Variants in AGMAT observed in about 807,000 individuals in gnomAD.
AGMAT encodes the protein guanidino acid hydrolase, mitochondrial.
AGMAT carries 37 observed loss-of-function variants against 29.3 expected under a neutral mutation model. The ratio of observed to expected loss-of-function variants is 1.26; its 90% CI spans 0.97 to 1.66. The LOEUF (loss-of-function observed/expected upper bound fraction) is 1.66. Ranked by LOEUF, AGMAT falls within the 40% of genes most tolerant of loss-of-function variation. AGMAT has a pLI of 0.00. For synonymous variants in AGMAT, 199 were observed against 200.8 expected, an observed-to-expected ratio of 0.99 and a Z score of 0.08; for missense variants, 498 against 497.8, an observed-to-expected ratio of 1.00 and a Z score of 0.00.
At chr1:15,576,261 C>G (rs2103436549) in intron 5 of AGMAT, among the ~76,000 whole-genome samples, 1 of 151,868 alleles carries the variant, frequency 6.6e-6, no homozygotes. Context: ...CGCCACCATG[C>G]CCGGCTAATT....
rs1353455400 is a variant in AGMAT at position 15,572,143 on chromosome 1, T to C, written c.*1508A>G. Among the ~76,000 whole-genome samples the C allele has an allele frequency of 1.2e-5, 1 of 86,800 alleles. No homozygotes were observed. Among genetic ancestry groups the C allele is most frequent in the Non-Finnish European group, 2.1e-5 (1 of 48,622 alleles). The allele number at this position is 86,800 out of a possible 152,430, so 56.9% of individuals were successfully genotyped here. ...CTGGGGGACAGAGCGAGACTCCATC[T>C]CAGAAAAAAAAAAAAAAAAAAAAGC... On this transcript the variant is annotated 3_prime_UTR_variant, in exon 7 of 7. Coordinates refer to ENST00000375826, the MANE Select transcript of AGMAT (RefSeq NM_024758.5).
chr1:15,573,603 G>T lies in AGMAT; in HGVS notation c.*48C>A. 6.4e-7 allele frequency: 1 copy of T among 1,559,216 alleles called. No homozygotes were observed. Among genetic ancestry groups the T allele is most frequent in the South Asian group, 1.1e-5 (1 of 89,876 alleles). ...GACTGCTTACTCATAAGTTCTTCTTGAGAACTTGTCAGCGACGCAATCTGT... is the reference window on the plus strand; with the variant it reads ...GACTGCTTACTCATAAGTTCTTCTTTAGAACTTGTCAGCGACGCAATCTGT... On this transcript the variant is annotated 3_prime_UTR_variant, in exon 7 of 7. Coordinates refer to ENST00000375826, the MANE Select transcript of AGMAT (RefSeq NM_024758.5).
rs748405733 is a variant in AGMAT, at chr1:15,573,639, A to C, written c.*12T>G. ...AGCGACGCAATCTGTTTTGTCTTGA[A>C]GAGCACAAGACTCAGACGGTTGTCA... On this transcript the variant is annotated 3_prime_UTR_variant, in exon 7 of 7. Transcript: ENST00000375826. 7 of 1,613,200 alleles carry C rather than the reference A, an allele frequency of 4.3e-6. No individual in the cohort carries two copies. The East Asian group carries it at 6.7e-5, about 15-fold the overall frequency.
intron 1 of AGMAT, 120 bp downstream of exon 1, chr1:15,584,576 G>A (rs1409441353): frequency 1.8e-6 from 2 of 1,104,710 alleles, no homozygotes; most frequent in Admixed American, 4.3e-5. Flanking sequence ...TTTTGGAGCC[G>A]GCCACCAGCT....
At chr1:15,583,042 T>C in intron 2 of AGMAT, 151 bp downstream of exon 2, 1 of 710,938 alleles carries the variant, frequency 1.4e-6, no homozygotes, top group Non-Finnish European at 2.3e-6. Flanking sequence ...CCCCAGGGAT[T>C]AAAATAAATG....
In AGMAT at chr1:15,574,777, G is replaced by A. The variant is rs2103435760; in HGVS notation, c.965C>T (p.Ser322Leu). ...NVMGCDLVEVSPPYDLSGNTA... is the reference protein window; with the variant it reads ...NVMGCDLVEVLPPYDLSGNTA... ...CTCACCAGAAAGATCATACGGTGGT[G>A]AAACTTCGACAAGATCACAGCCCAT... Residue 322 changes from serine to leucine, a missense_variant, in exon 6 of 7, where the codon TCA becomes TTA. Coordinates refer to ENST00000375826, the MANE Select transcript of AGMAT (RefSeq NM_024758.5). The A allele has an allele frequency of 6.2e-7, 1 of 1,613,858 alleles. No individual in the cohort carries two copies. Among genetic ancestry groups the A allele is most frequent in the Non-Finnish European group, 8.5e-7 (1 of 1,179,844 alleles).
chr1:15,578,383 C>T (rs1639068033), intron 4 of AGMAT, among the ~76,000 whole-genome samples: 1 of 152,034 alleles, frequency 6.6e-6, no homozygotes, highest in African/African-American at 2.4e-5. Flanking sequence ...CAACCTCCAC[C>T]TCCCACGTTC....
At chr1:15,584,571 G>T in intron 1 of AGMAT, 125 bp downstream of exon 1, 13 of 1,065,524 alleles carry the variant, frequency 1.2e-5, no homozygotes, top group Non-Finnish European at 1.6e-5. Context: ...GGGCATTTTG[G>T]AGCCGGCCAC....
At position 15,584,944 on chromosome 1, in the gene AGMAT, C is replaced by A; in HGVS notation, c.24G>T (p.Gly8=). MLRLLAS[G]CARGPGPGVG... ...CGCCGGGCCCCGGGCCCCGGGCGCA[C>A]CCGGACGCCAGCAGCCTCAGCATTG... The change falls in exon 1 of 7, where the codon GGG becomes GGT. Residue 8 remains glycine (G), a synonymous_variant. Coordinates refer to ENST00000375826, the MANE Select transcript of AGMAT (RefSeq NM_024758.5). 2 of 1,363,072 alleles carry A rather than the reference C, an allele frequency of 1.5e-6. No homozygotes were observed. The highest frequency in any genetic ancestry group is 1.8e-5 in the South Asian group (1 of 55,984). The allele number at this position is 1,363,072 out of a possible 1,614,324, so 84.4% of individuals were successfully genotyped here.
chr1:15,577,399 C>T (rs1211936681), intron 5 of AGMAT, among the ~76,000 whole-genome samples: 1 of 151,950 alleles, frequency 6.6e-6, no homozygotes, highest in African/African-American at 2.4e-5. Context: ...ATGGTGAAAC[C>T]CCATCTCTAC....
At chr1:15,580,982 T>C (rs1373911975) in intron 2 of AGMAT, among the ~76,000 whole-genome samples, 1 of 150,374 alleles carries the variant, frequency 6.7e-6, no homozygotes, top group Non-Finnish European at 1.5e-5. Flanking sequence ...TCTCAAAAAA[T>C]AAAATAAAAT....
chr1:15,573,541 G>T lies in AGMAT; in HGVS notation c.*110C>A. On this transcript the variant is annotated 3_prime_UTR_variant, in exon 7 of 7. Transcript: ENST00000375826. ...TTCACAGCCAGCAATGACACTTTCA[G>T]CAGAAAGTTTTCTTGGCATAAACTC... The T allele has an allele frequency of 1.0e-6, 1 of 970,390 alleles. No homozygotes were observed. The highest frequency in any genetic ancestry group is 2.1e-5 in the Admixed American group (1 of 47,870). 60.1% of individuals were successfully genotyped at this position (970,390 alleles called of 1,614,324 possible).
intron 1 of AGMAT, among the ~76,000 whole-genome samples, chr1:15,583,731 C>CAA (rs1491162630): frequency 6.6e-6 from 1 of 152,160 alleles, no homozygotes; most frequent in Non-Finnish European, 1.5e-5. Flanking sequence ...ACCTGAGTCT[C>CAA]AGTTTCCTAA....
intron 5 of AGMAT, among the ~76,000 whole-genome samples, chr1:15,576,737 G>GTTTTTTTTTT (rs1420717123): frequency 6.3e-5 from 2 of 31,586 alleles, no homozygotes; most frequent in African/African-American, 9.6e-5. Flanking sequence ...CAAGTTTAGT[G>GTTTTTTTTTT]TTCTTTTTTT....
Position 15,583,197 on chromosome 1 carries a change from G to C in AGMAT, c.471C>G (p.Thr157=). 1 of 1,613,912 alleles carries C rather than the reference G, an allele frequency of 6.2e-7. No individual in the cohort carries two copies. The highest frequency in any genetic ancestry group is 8.5e-7 in the Non-Finnish European group (1 of 1,179,974). ...KIVAAGCIPL[T]LGGDHTITYP... ...GCTCTTGCAGACTGACATTACCCAAGGTCAGAGGAATACAGCCAGCTGCTA... is the reference window on the plus strand; with the variant it reads ...GCTCTTGCAGACTGACATTACCCAACGTCAGAGGAATACAGCCAGCTGCTA... Residue 157 remains threonine, a synonymous_variant, in exon 2 of 7, where the codon ACC becomes ACG. Coordinates refer to ENST00000375826, the MANE Select transcript of AGMAT (RefSeq NM_024758.5).
chr1:15,573,448 T>TTC lies in AGMAT; in HGVS notation c.*202_*203insGA, dbSNP rs538739214. 111 of 528,434 alleles carry TTC rather than the reference T, an allele frequency of 2.1e-4. 1 individual carries two copies. Among genetic ancestry groups the TTC allele is most frequent in the African/African-American group, 2.0e-3 (104 of 52,536 alleles). 32.7% of individuals were successfully genotyped at this position (528,434 alleles called of 1,614,324 possible). A position where few individuals can be genotyped will look rare whatever the true frequency, so the allele number is the denominator to read the frequency against. Reference sequence around the variant, plus strand: ...AGCAGTACAAGTACTCCTTTTTTTTTCCCCCAATTAATCCAAGTTCCTTAG... The same window carrying TTC: ...AGCAGTACAAGTACTCCTTTTTTTTTTCCCCCCAATTAATCCAAGTTCCTTAG... On this transcript the variant is annotated 3_prime_UTR_variant, in exon 7 of 7. Transcript: ENST00000375826.
intron 2 of AGMAT, among the ~76,000 whole-genome samples, chr1:15,582,098 GTC>G (rs1247421053): frequency 1.3e-5 from 2 of 151,410 alleles, no homozygotes; most frequent in African/African-American, 4.9e-5. Context: ...ATGAAACCCC[GTC>G]TCTACTAAAA....
In AGMAT at chr1:15,574,789, A is replaced by G. The variant is rs574567828; in HGVS notation, c.953T>C (p.Leu318Pro). The G allele has an allele frequency of 6.8e-6, 11 of 1,614,036 alleles. No individual in the cohort carries two copies. In the African/African-American group the frequency reaches 8.0e-5, roughly 12 times the overall value. ...ATCATACGGTGGTGAAACTTCGACAAGATCACAGCCCATCACGTTCAGGCC... is the reference window on the plus strand; with the variant it reads ...ATCATACGGTGGTGAAACTTCGACAGGATCACAGCCCATCACGTTCAGGCC... Reference protein sequence around the residue: ...CQGLNVMGCDLVEVSPPYDLS... With the variant: ...CQGLNVMGCDPVEVSPPYDLS... Residue 318 changes from leucine to proline, a missense_variant, in exon 6 of 7, where the codon CTT (leucine) becomes CCT (proline). Transcript: ENST00000375826.
At chr1:15,577,269 C>A (rs1417765694) in intron 5 of AGMAT, among the ~76,000 whole-genome samples, 1 of 152,070 alleles carries the variant, frequency 6.6e-6, no homozygotes, top group East Asian at 1.9e-4. Flanking sequence ...CCTAGGTGCT[C>A]TGCTCTTAAA....
Sources: allele counts gnomAD v4.1 joint callset (sites outside exome capture counted in the v4.1 genomes callset), GRCh38; gene constraint gnomAD v4.1.1; transcripts MANE v1.5; gene names NCBI Gene and HGNC (gene_info 2026-07-23, HGNC 2026-07-21).